HIKESHI: variants seen among roughly 807,000 people sequenced by gnomAD.
The protein encoded by HIKESHI is heat shock protein nuclear import factor hikeshi.
HIKESHI carries 13 observed loss-of-function variants against 25.7 expected under a neutral mutation model. The observed-to-expected ratio is 0.51, with a 90% CI of 0.33 to 0.80. The LOEUF is 0.80. HIKESHI is among the 30% of genes least tolerant of loss of function. HIKESHI has a pLI of 0.02. For synonymous variants in HIKESHI, 76 were observed against 78.7 expected (o/e 0.97, Z 0.18); for missense variants, 174 against 229.5 (o/e 0.76, Z 1.56).
chr11:86,314,580 T>C (rs573549437), intron 2 of HIKESHI, among the ~76,000 whole-genome samples: 7 of 151,860 alleles, frequency 4.6e-5, no homozygotes, highest in African/African-American at 7.3e-5. Context: ...AAGATCATGC[T>C]ATTGCACTCC....
intron 2 of HIKESHI, among the ~76,000 whole-genome samples, chr11:86,332,630 A>T (rs569492770): frequency 2.0e-5 from 3 of 152,236 alleles, no homozygotes; most frequent in Admixed American, 2.0e-4. Context: ...ACTCATCAAA[A>T]CTATACTTAC....
chr11:86,321,015 A>G (rs1183731319), intron 2 of HIKESHI, among the ~76,000 whole-genome samples: 1 of 150,190 alleles, frequency 6.7e-6, no homozygotes, highest in Non-Finnish European at 1.5e-5. Context: ...GCTCACTGCA[A>G]CCTCCACCTC....
intron 2 of HIKESHI, among the ~76,000 whole-genome samples, chr11:86,320,074 A>G (rs1947110442): frequency 1.3e-5 from 2 of 152,192 alleles, no homozygotes; most frequent in South Asian, 2.1e-4. Flanking sequence ...TGAATGTTCA[A>G]AAATGAGTTG....
At chr11:86,337,336 C>A (rs369209823) in intron 2 of HIKESHI, 43 bp from the exon 3 acceptor site, 12 of 1,568,146 alleles carry the variant, frequency 7.7e-6, no homozygotes, top group Admixed American at 3.7e-5. Context: ...TGTGTGACTA[C>A]AAGTTTAATT....
rs548325636 is a variant in HIKESHI at position 86,320,620 on chromosome 11, G to T, written c.268+14138G>T. ...AATTTATTTTTTATTAACAGATTGT[G>T]GTAGCTTTATTGATGTATAATTGAC... On this transcript the variant is annotated intron_variant, in intron 2 of 4. Coordinates refer to ENST00000278483, the MANE Select transcript of HIKESHI (RefSeq NM_016401.4). Among the ~76,000 whole-genome samples, 98 of 152,194 alleles carry T rather than the reference G, an allele frequency of 6.4e-4. 1 individual carries two copies. The highest frequency in any genetic ancestry group is 2.3e-3 in the African/African-American group (95 of 41,518).
chr11:86,316,771 CTTTTTTTTTTTTTTTTTTTTTTTT>C (rs71040229), intron 2 of HIKESHI, among the ~76,000 whole-genome samples: 2 of 68,788 alleles, frequency 2.9e-5, no homozygotes, highest in Admixed American at 3.8e-4. Flanking sequence ...CTGAAACATT[CTTTTTTTTTTTTTTTTTTTTTTTT>C]TTTTTTTTTT....
rs1205843651 is a variant in HIKESHI at position 86,337,360 on chromosome 11, A to G, written c.269-19A>G. 1.2e-6 allele frequency: 2 copies of G among 1,607,782 alleles called. No homozygotes were observed. The highest frequency in any genetic ancestry group is 3.4e-5 in the Admixed American group (2 of 58,974). ...ACAAGTTTAATTTGAAATGTGTGTC[A>G]TATGTTAATTTCTTGCAGGAGAAGG... On this transcript the variant is annotated intron_variant, in intron 2 of 4. Transcript: ENST00000278483.
At chr11:86,329,574 C>CTTTTTTTTTTTTTT (rs71040232) in intron 2 of HIKESHI, among the ~76,000 whole-genome samples, 1 of 143,878 alleles carries the variant, frequency 7.0e-6, no homozygotes, top group African/African-American at 2.6e-5. Flanking sequence ...CCTGTGATTT[C>CTTTTTTTTTTTTTT]TTTTTTTTTT....
At chr11:86,344,534 T>C (rs1947818142) in intron 3 of HIKESHI, 69 bp from the exon 4 acceptor site, 3 of 937,242 alleles carry the variant, frequency 3.2e-6, no homozygotes, top group Non-Finnish European at 4.8e-6. Flanking sequence ...AGAACACTTT[T>C]AATTTAAAAA....
chr11:86,319,823 T>C (rs1565729586), intron 2 of HIKESHI, among the ~76,000 whole-genome samples: 1 of 152,150 alleles, frequency 6.6e-6, no homozygotes, highest in Admixed American at 6.6e-5. Flanking sequence ...TTATAGGTGG[T>C]GGTGTGTTTT....
chr11:86,340,082 A>G (rs375305231), intron 3 of HIKESHI, among the ~76,000 whole-genome samples: 2 of 152,026 alleles, frequency 1.3e-5, no homozygotes, highest in African/African-American at 4.8e-5. Context: ...ACTTGAACTC[A>G]CCCTTTTTTA....
At chr11:86,313,073 T>A (rs531971434) in intron 2 of HIKESHI, among the ~76,000 whole-genome samples, 1 of 152,306 alleles carries the variant, frequency 6.6e-6, no homozygotes, top group South Asian at 2.1e-4. Flanking sequence ...TTTGTGTTGT[T>A]TGCAGAGCCG....
chr11:86,345,292 T>A (rs919614404), intron 4 of HIKESHI: 1 of 372,496 alleles, frequency 2.7e-6, no homozygotes, highest in African/African-American at 2.2e-5. Flanking sequence ...TGAATTTGAT[T>A]TTTTTCCTTA....
intron 2 of HIKESHI, among the ~76,000 whole-genome samples, chr11:86,317,866 T>A (rs1034230614): frequency 1.3e-5 from 2 of 152,218 alleles, no homozygotes; most frequent in Admixed American, 1.3e-4. Context: ...TGAAGAACAA[T>A]AACTACAAGT....
chr11:86,331,218 A>C (rs1184813476), intron 2 of HIKESHI, among the ~76,000 whole-genome samples: 7 of 152,178 alleles, frequency 4.6e-5, no homozygotes, highest in African/African-American at 1.4e-4. Flanking sequence ...GGCCAGGTGC[A>C]GTGGCTCACG....
At chr11:86,321,946 G>T (rs1019430598) in intron 2 of HIKESHI, among the ~76,000 whole-genome samples, 1 of 151,894 alleles carries the variant, frequency 6.6e-6, no homozygotes, top group Admixed American at 6.6e-5. Context: ...TTCCCTTGTC[G>T]TTTTAATTTG....
intron 4 of HIKESHI, chr11:86,344,966 A>G: frequency 1.8e-6 from 1 of 541,888 alleles, no homozygotes; most frequent in Non-Finnish European, 3.0e-6. Flanking sequence ...TGTTTTAGGG[A>G]CCACTATTAA....
At chr11:86,319,911 A>C (rs1031028672) in intron 2 of HIKESHI, among the ~76,000 whole-genome samples, 1 of 152,112 alleles carries the variant, frequency 6.6e-6, no homozygotes, top group South Asian at 2.1e-4. Flanking sequence ...TTAATTGAGT[A>C]GGGGTTCAAA....
chr11:86,332,277 T>G (rs1947447445), intron 2 of HIKESHI, among the ~76,000 whole-genome samples: 1 of 152,148 alleles, frequency 6.6e-6, no homozygotes, highest in African/African-American at 2.4e-5. Flanking sequence ...AACTGTTTTC[T>G]TTAGTCCTCA....
Sources: allele counts gnomAD v4.1 joint callset (sites outside exome capture counted in the v4.1 genomes callset), GRCh38; gene constraint gnomAD v4.1.1; transcripts MANE v1.5; gene names NCBI Gene and HGNC (gene_info 2026-07-23, HGNC 2026-07-21).